The following SUMF1 variants were observed in gnomAD, a reference collection of about 807,000 sequenced individuals.
SUMF1 encodes the protein formylglycine-generating enzyme.
A neutral mutation model predicts 47.6 loss-of-function variants in SUMF1; 48 were observed. The observed-to-expected ratio is 1.01, with a 90% CI of 0.80 to 1.28. SUMF1 has a LOEUF of 1.28. Ranked by LOEUF, SUMF1 falls within the 50% of genes most tolerant of loss-of-function variation. The pLI, the probability that SUMF1 is intolerant of heterozygous loss-of-function variation, is 0.00. For synonymous variants in SUMF1, 230 were observed against 192.1 expected, an observed-to-expected ratio of 1.20 and a Z score of -1.63; for missense variants, 571 against 485.4, an observed-to-expected ratio of 1.18 and a Z score of -1.66.
intron 8 of SUMF1, among the ~76,000 whole-genome samples, chr3:4,166,010 C>T (rs1215335214): frequency 6.6e-6 from 1 of 152,020 alleles, no homozygotes; most frequent in Non-Finnish European, 1.5e-5. Context: ...GTTGAGCTCA[C>T]CAATGCAGCA....
chr3:4,119,422 T>C (rs1053391044), intron 8 of SUMF1, among the ~76,000 whole-genome samples: 2 of 152,092 alleles, frequency 1.3e-5, no homozygotes, highest in African/African-American at 4.8e-5. Flanking sequence ...TGCCTTAATA[T>C]ACACAGAACC....
At chr3:4,146,195 GAA>G (rs1305005644) in intron 8 of SUMF1, among the ~76,000 whole-genome samples, 1 of 152,082 alleles carries the variant, frequency 6.6e-6, no homozygotes, top group Non-Finnish European at 1.5e-5. Flanking sequence ...AAAACCTGGG[GAA>G]AAGAGGGGTG....
At chr3:4,412,560 G>GA (rs1701577668) in intron 6 of SUMF1, among the ~76,000 whole-genome samples, 2 of 152,168 alleles carry the variant, frequency 1.3e-5, no homozygotes, top group Non-Finnish European at 2.9e-5. Flanking sequence ...AGGAATACAA[G>GA]GAAAGGAGCC....
intron 8 of SUMF1, among the ~76,000 whole-genome samples, chr3:4,255,852 C>T (rs1459192318): frequency 3.3e-5 from 3 of 91,100 alleles, no homozygotes; most frequent in Admixed American, 3.1e-4. Context: ...CAAAATTGAC[C>T]ACATAGTTGG....
chr3:4,207,849 A>C (rs1027280870), intron 8 of SUMF1, among the ~76,000 whole-genome samples: 59 of 152,172 alleles, frequency 3.9e-4, no homozygotes, highest in African/African-American at 1.3e-3. Flanking sequence ...GTGCAGAACC[A>C]GTGCCCAGAT....
At chr3:4,263,491 C>A (rs1165931527) in intron 8 of SUMF1, among the ~76,000 whole-genome samples, 1 of 152,094 alleles carries the variant, frequency 6.6e-6, no homozygotes. Flanking sequence ...TTGATCCAGC[C>A]CCAATCTGTC....
chr3:4,236,607 A>T (rs1696415416), intron 8 of SUMF1, among the ~76,000 whole-genome samples: 1 of 152,050 alleles, frequency 6.6e-6, no homozygotes, highest in Admixed American at 6.6e-5. Flanking sequence ...ATAAATAAAT[A>T]AACAAACTTT....
In SUMF1 at chr3:4,150,949, CT is replaced by C. The variant is rs374667815; in HGVS notation, c.1015-82205del. Among the ~76,000 whole-genome samples, 20 of 151,608 alleles carry C rather than the reference CT, an allele frequency of 1.3e-4. No individual in the cohort carries two copies. In the East Asian group the frequency reaches 3.5e-3, roughly 26 times the overall value. Reference sequence around the variant, plus strand: ...ACGGCCAGCAAACTCTTTCTGCTCTCTTCGAAAGTGACAGACTATTTCCTCT... The same window carrying C: ...ACGGCCAGCAAACTCTTTCTGCTCTCTCGAAAGTGACAGACTATTTCCTCT... On this transcript the variant is annotated intron_variant and NMD_transcript_variant, in intron 8 of 12. Coordinates refer to the SUMF1 transcript ENST00000448413.
chr3:4,251,742 T>A (rs777769499), intron 8 of SUMF1, among the ~76,000 whole-genome samples: 1 of 152,200 alleles, frequency 6.6e-6, no homozygotes, highest in Non-Finnish European at 1.5e-5. Context: ...TTTACCTACA[T>A]TGAAAATCTG....
At chr3:4,164,059 GT>G (rs1694644059) in intron 8 of SUMF1, among the ~76,000 whole-genome samples, 1 of 152,088 alleles carries the variant, frequency 6.6e-6, no homozygotes, top group South Asian at 2.1e-4. Context: ...TGGGTAACTT[GT>G]TCCCCATATT....
chr3:4,356,842 C>T (rs1026839451), downstream of SUMF1, among the ~76,000 whole-genome samples: 1 of 152,240 alleles, frequency 6.6e-6, no homozygotes. Flanking sequence ...TGGACGAGAA[C>T]AGAGCAGTGG....
chr3:4,429,114 C>T (rs1446220394), intron 3 of SUMF1, among the ~76,000 whole-genome samples: 1 of 152,174 alleles, frequency 6.6e-6, no homozygotes, highest in Non-Finnish European at 1.5e-5. Flanking sequence ...GTTCAAACAC[C>T]TTCATGTACA....
chr3:4,137,623 A>G (rs1485622788), intron 8 of SUMF1, among the ~76,000 whole-genome samples: 2 of 152,282 alleles, frequency 1.3e-5, no homozygotes, highest in South Asian at 2.1e-4. Flanking sequence ...AAGTATAATT[A>G]AAAACAAACA....
chr3:4,441,470 C>A (rs1304484003), intron 3 of SUMF1, among the ~76,000 whole-genome samples: 1 of 152,068 alleles, frequency 6.6e-6, no homozygotes, highest in African/African-American at 2.4e-5. Context: ...AAAACCATCC[C>A]CTCCCCTGCC....
chr3:4,170,303 C>T (rs1165363369), intron 8 of SUMF1, among the ~76,000 whole-genome samples: 3 of 152,046 alleles, frequency 2.0e-5, no homozygotes, highest in East Asian at 1.9e-4. Context: ...TTAGTGGGTA[C>T]CAGAATCACC....
chr3:4,081,297 C>A (rs1335913431), intron 8 of SUMF1, among the ~76,000 whole-genome samples: 1 of 152,098 alleles, frequency 6.6e-6, no homozygotes, highest in Non-Finnish European at 1.5e-5. Context: ...GTTCCTTCTG[C>A]CTCATCTAGG....
intron 9 of SUMF1, among the ~76,000 whole-genome samples, chr3:4,048,306 A>G (rs1695043184): frequency 6.6e-6 from 1 of 152,190 alleles, no homozygotes; most frequent in African/African-American, 2.4e-5. Flanking sequence ...CAAACATTTA[A>G]TAGCATATAC....
intron 3 of SUMF1, among the ~76,000 whole-genome samples, chr3:4,442,422 ATTTT>A (rs35412119): frequency 2.7e-5 from 4 of 148,906 alleles, no homozygotes; most frequent in Admixed American, 6.7e-5. Flanking sequence ...CGCCCGGCTA[ATTTT>A]TTTTTTGTAT....
chr3:4,206,423 G>T (rs938949404), intron 8 of SUMF1, among the ~76,000 whole-genome samples: 1 of 152,066 alleles, frequency 6.6e-6, no homozygotes, highest in Admixed American at 6.6e-5. Flanking sequence ...TCCAGTGAGG[G>T]CTGGTCTAAA....
Sources: gnomAD v4.1 joint callset for allele counts (sites outside exome capture counted in the v4.1 genomes callset) on GRCh38, gnomAD v4.1.1 for gene constraint, MANE v1.5 for transcripts, NCBI Gene and HGNC (gene_info 2026-07-23, HGNC 2026-07-21) for gene names.